FGF14: variants seen among roughly 807,000 people sequenced by gnomAD.
FGF14 encodes fibroblast growth factor homologous factor 4.
In FGF14, 5 loss-of-function variants were observed where a neutral mutation model predicts 25.5. That is an observed-to-expected ratio of 0.20 (90% CI 0.10 to 0.41). The LOEUF (loss-of-function observed/expected upper bound fraction) is 0.41, where lower values mean the gene tolerates loss of function less well. Ranked by LOEUF, FGF14 falls within the 10% of genes least tolerant of loss-of-function variation. The pLI, the probability that FGF14 is intolerant of heterozygous loss-of-function variation, is 1.00. For missense variants in FGF14, 222 were observed against 320.1 expected (o/e 0.69, Z 2.34); for synonymous variants, 138 against 118.3 (o/e 1.17, Z -1.08).
rs1415987555 is a variant in FGF14, at chr13:101,718,966, C to G, written c.*3865G>C. ...CATGTACATCCTGGATTTTGATATG[C>G]CTGCATTTTGGAAAAAAAAATTGAG... is the stretch of plus-strand genomic sequence containing the variant. On this transcript the variant is annotated 3_prime_UTR_variant, in exon 5 of 5. Coordinates refer to ENST00000376143, the MANE Select transcript of FGF14 (RefSeq NM_004115.4). The G allele has an allele frequency of 3.3e-5, 5 of 151,746 alleles. No individual in the cohort carries two copies. Among genetic ancestry groups the G allele is most frequent in the Admixed American group, 3.3e-4 (5 of 15,220 alleles). 9.4% of individuals were successfully genotyped at this position (151,746 alleles called of 1,614,324 possible). A position where few individuals can be genotyped will look rare whatever the true frequency, so the allele number is the denominator to read the frequency against.
intron 3 of FGF14, among the ~76,000 whole-genome samples, chr13:101,776,562 G>C (rs931069439): frequency 6.6e-6 from 1 of 152,136 alleles, no homozygotes; most frequent in African/African-American, 2.4e-5. Flanking sequence ...CTTCAAAATG[G>C]AGAAGACCAC....
intron 1 of FGF14, among the ~76,000 whole-genome samples, chr13:102,174,192 T>G (rs7337768): frequency 0.42 from 63,526 of 149,774 alleles, 13,657 homozygotes; most frequent in Middle Eastern, 0.58. Context: ...TGGAATGCAG[T>G]GGCGCGATCT....
At chr13:102,309,603 G>T (rs2055620890) in intron 1 of FGF14, among the ~76,000 whole-genome samples, 1 of 152,148 alleles carries the variant, frequency 6.6e-6, no homozygotes, top group Non-Finnish European at 1.5e-5. Context: ...ACTGAATCAT[G>T]AAAAAGTCAA....
intron 1 of FGF14, among the ~76,000 whole-genome samples, chr13:102,271,154 T>C (rs745785726): frequency 3.9e-5 from 6 of 152,202 alleles, no homozygotes; most frequent in Non-Finnish European, 7.3e-5. Flanking sequence ...TAAATACTTA[T>C]CAGAATTAAT....
intron 3 of FGF14, among the ~76,000 whole-genome samples, chr13:101,819,699 TACTC>T (rs1252521067): frequency 2.6e-5 from 4 of 152,272 alleles, no homozygotes; most frequent in African/African-American, 9.6e-5. Flanking sequence ...CTAGCAATGA[TACTC>T]ATTCATTCCC....
intron 1 of FGF14, among the ~76,000 whole-genome samples, chr13:102,333,592 C>A (rs981096200): frequency 6.6e-6 from 1 of 152,112 alleles, no homozygotes; most frequent in South Asian, 2.1e-4. Context: ...AGATATTCAG[C>A]ATGGTTCTTG....
intron 1 of FGF14, among the ~76,000 whole-genome samples, chr13:102,061,916 G>T (rs1288081946): frequency 6.6e-6 from 1 of 152,092 alleles, no homozygotes; most frequent in African/African-American, 2.4e-5. Context: ...AGGCATCTGA[G>T]AACTCTCTAG....
chr13:102,168,860 G>C (rs894048471), intron 1 of FGF14, among the ~76,000 whole-genome samples: 1 of 152,052 alleles, frequency 6.6e-6, no homozygotes, highest in Non-Finnish European at 1.5e-5. Flanking sequence ...ACACACTGAA[G>C]ATCTGCCTTG....
intron 1 of FGF14, among the ~76,000 whole-genome samples, chr13:102,377,680 T>C (rs1203953570): frequency 6.6e-6 from 1 of 152,070 alleles, no homozygotes; most frequent in Non-Finnish European, 1.5e-5. Context: ...TGGTGGCACA[T>C]GTCTATAATC....
chr13:102,071,131 G>A (rs778431180), intron 1 of FGF14, among the ~76,000 whole-genome samples: 6 of 152,132 alleles, frequency 3.9e-5, no homozygotes, highest in Non-Finnish European at 7.4e-5. Context: ...ATCACAGAAG[G>A]AGAAAAAGAT....
chr13:101,826,996 A>G (rs1281490554), intron 3 of FGF14, among the ~76,000 whole-genome samples: 2 of 151,636 alleles, frequency 1.3e-5, no homozygotes, highest in Non-Finnish European at 2.9e-5. Context: ...ACATTTATTA[A>G]AACAGTAAAT....
At chr13:101,821,821 A>G (rs1338639621) in intron 3 of FGF14, among the ~76,000 whole-genome samples, 1 of 152,158 alleles carries the variant, frequency 6.6e-6, no homozygotes, top group African/African-American at 2.4e-5. Flanking sequence ...CTATCTGTGT[A>G]TCTTCTTTTG....
At chr13:102,309,042 C>T (rs1367701476) in intron 1 of FGF14, among the ~76,000 whole-genome samples, 1 of 151,582 alleles carries the variant, frequency 6.6e-6, no homozygotes, top group Non-Finnish European at 1.5e-5. Flanking sequence ...AGTAACCTTG[C>T]TATGTTAGTA....
chr13:102,065,630 A>G (rs2042871643), intron 1 of FGF14, among the ~76,000 whole-genome samples: 1 of 152,122 alleles, frequency 6.6e-6, no homozygotes, highest in Non-Finnish European at 1.5e-5. Context: ...GTAAATTTGT[A>G]TAATTGAGTC....
At chr13:102,282,517 A>G (rs1419580056) in intron 1 of FGF14, among the ~76,000 whole-genome samples, 1 of 152,182 alleles carries the variant, frequency 6.6e-6, no homozygotes. Flanking sequence ...TTAGTGTTCC[A>G]TAATGATATG....
At chr13:101,737,345 T>G (rs899298517) in intron 3 of FGF14, among the ~76,000 whole-genome samples, 15 of 152,174 alleles carry the variant, frequency 9.9e-5, no homozygotes, top group Non-Finnish European at 1.8e-4. Flanking sequence ...TATTTAGTTC[T>G]TTTATGTCCA....
intron 1 of FGF14, among the ~76,000 whole-genome samples, chr13:102,340,741 C>T (rs2056926135): frequency 6.6e-6 from 1 of 152,144 alleles, no homozygotes; most frequent in African/African-American, 2.4e-5. Flanking sequence ...CTTCTTATTA[C>T]AGTAGCTAAA....
intron 3 of FGF14, among the ~76,000 whole-genome samples, chr13:101,810,250 C>T (rs1339782839): frequency 6.6e-6 from 1 of 152,198 alleles, no homozygotes; most frequent in East Asian, 1.9e-4. Flanking sequence ...CCAGTACTCA[C>T]TCAGCATTCT....
chr13:101,826,858 C>T (rs186408278), intron 3 of FGF14, among the ~76,000 whole-genome samples: 1 of 151,874 alleles, frequency 6.6e-6, no homozygotes, highest in Non-Finnish European at 1.5e-5. Context: ...GAGTAGTGCT[C>T]ACTGTGGCTT....
Sources: gnomAD v4.1 joint callset for allele counts (sites outside exome capture counted in the v4.1 genomes callset) on GRCh38, gnomAD v4.1.1 for gene constraint, MANE v1.5 for transcripts, NCBI Gene and HGNC (gene_info 2026-07-23, HGNC 2026-07-21) for gene names.